The following NPAS3 variants were observed in gnomAD, a reference collection of about 807,000 sequenced individuals.
The protein encoded by NPAS3 is neuronal PAS domain-containing protein 3.
In NPAS3, 14 loss-of-function variants were observed where a neutral mutation model predicts 73.1. That is an observed-to-expected ratio of 0.19 (90% confidence interval 0.13 to 0.30). NPAS3 has a LOEUF of 0.30. Ranked by LOEUF, NPAS3 falls within the 10% of genes least tolerant of loss-of-function variation. The pLI is 1.00. For synonymous variants in NPAS3, 620 were observed against 541.5 expected, an observed-to-expected ratio of 1.14 and a Z score of -2.01; for missense variants, 1,096 against 1,250.0, an observed-to-expected ratio of 0.88 and a Z score of 1.86.
At chr14:33,030,463 A>G (rs2039950260) in intron 1 of NPAS3, among the ~76,000 whole-genome samples, 1 of 152,214 alleles carries the variant, frequency 6.6e-6, no homozygotes, top group Non-Finnish European at 1.5e-5. Context: ...ATCTCATTTT[A>G]TTCCCCAAAG....
At chr14:33,608,737 A>T (rs1595267576) in intron 5 of NPAS3, 1 of 152,242 alleles carries the variant, frequency 6.6e-6, no homozygotes, top group East Asian at 1.9e-4. Context: ...TTATTTCATC[A>T]CCCAGTTATT....
intron 5 of NPAS3, among the ~76,000 whole-genome samples, chr14:33,674,169 G>A (rs1334908428): frequency 1.3e-5 from 2 of 152,088 alleles, no homozygotes; most frequent in Non-Finnish European, 2.9e-5. Context: ...TGGAGAGAGT[G>A]GCCTATTTCT....
rs547917130 is a variant in NPAS3 at position 33,622,941 on chromosome 14, C to T, written c.559-53270C>T. Among the ~76,000 whole-genome samples, 26 of 152,262 alleles carry T rather than the reference C, an allele frequency of 1.7e-4. No homozygotes were observed. The East Asian group carries it at 2.1e-3, about 12-fold the overall frequency. On this transcript the variant is annotated intron_variant, in intron 5 of 11. Transcript: ENST00000356141. ...ACAAAGGAGGGCTTGGAAGTGGGAT[C>T]GTATCCCAGTAAACCTTCAGATTCT...
At chr14:33,092,222 C>T (rs1325952608) in intron 2 of NPAS3, among the ~76,000 whole-genome samples, 1 of 152,132 alleles carries the variant, frequency 6.6e-6, no homozygotes, top group African/African-American at 2.4e-5. Flanking sequence ...TTGGAAAACC[C>T]CATCGTCTCA....
intron 6 of NPAS3, among the ~76,000 whole-genome samples, chr14:33,721,476 T>C (rs1265025194): frequency 6.6e-6 from 1 of 152,160 alleles, no homozygotes; most frequent in East Asian, 1.9e-4. Flanking sequence ...GCATGCGTAA[T>C]TTTAACACCC....
At chr14:33,664,216 A>T (rs552125561) in intron 5 of NPAS3, among the ~76,000 whole-genome samples, 2 of 152,202 alleles carry the variant, frequency 1.3e-5, no homozygotes, top group African/African-American at 4.8e-5. Flanking sequence ...ATAACGCTGC[A>T]TATCTACAAC....
chr14:33,240,192 T>C (rs2048170272), intron 3 of NPAS3, among the ~76,000 whole-genome samples: 1 of 151,866 alleles, frequency 6.6e-6, no homozygotes, highest in Admixed American at 6.6e-5. Flanking sequence ...TTCTAAAATA[T>C]ATTATTCATA....
intron 7 of NPAS3, among the ~76,000 whole-genome samples, chr14:33,756,876 T>C (rs1313341227): frequency 6.6e-6 from 1 of 152,094 alleles, no homozygotes; most frequent in Non-Finnish European, 1.5e-5. Context: ...TAGGTGCTGA[T>C]TGGGTAGCCG....
intron 3 of NPAS3, among the ~76,000 whole-genome samples, chr14:33,234,424 A>G (rs903517924): frequency 2.6e-5 from 4 of 152,246 alleles, no homozygotes; most frequent in East Asian, 1.9e-4. Context: ...GGTTGCCTCT[A>G]TGGTTAGAGA....
At chr14:33,660,466 TTG>T (rs1210588815) in intron 5 of NPAS3, among the ~76,000 whole-genome samples, 1 of 152,242 alleles carries the variant, frequency 6.6e-6, no homozygotes, top group Non-Finnish European at 1.5e-5. Context: ...TGATTTTGTT[TTG>T]TGTTTTTCTA....
At chr14:33,726,909 C>T (rs1209712765) in intron 6 of NPAS3, among the ~76,000 whole-genome samples, 1 of 152,144 alleles carries the variant, frequency 6.6e-6, no homozygotes, top group African/African-American at 2.4e-5. Flanking sequence ...CATGCCTGCA[C>T]GTGGAGAGTG....
chr14:33,178,130 A>G (rs890963816), intron 2 of NPAS3, among the ~76,000 whole-genome samples: 14 of 138,462 alleles, frequency 1.0e-4, no homozygotes, highest in Non-Finnish European at 2.1e-4. Flanking sequence ...GTTGGAGTGC[A>G]GTGGTGCGAT....
chr14:33,759,421 C>T lies in NPAS3; in HGVS notation c.853-14916C>T, dbSNP rs573016500. Among the ~76,000 whole-genome samples, 3 of 152,282 alleles carry T rather than the reference C, an allele frequency of 2.0e-5. No individual in the cohort carries two copies. In the East Asian group the frequency reaches 5.8e-4, roughly 29 times the overall value. ...TCCTGGTCATACACTCAGATGTCTC[C>T]CAGAGATCAGGCAAAATGGGAAGTG... is the stretch of plus-strand genomic sequence containing the variant. On this transcript the variant is annotated intron_variant, in intron 7 of 11. Coordinates refer to ENST00000356141, the Ensembl canonical transcript of NPAS3.
intron 3 of NPAS3, among the ~76,000 whole-genome samples, chr14:33,284,521 G>GC (rs2041781572): frequency 6.6e-6 from 1 of 152,030 alleles, no homozygotes; most frequent in Non-Finnish European, 1.5e-5. Context: ...ATGTATAGAT[G>GC]CTTGATTTGA....
chr14:33,579,744 C>G (rs2139869814), intron 5 of NPAS3, among the ~76,000 whole-genome samples: 1 of 151,648 alleles, frequency 6.6e-6, no homozygotes, highest in Admixed American at 6.6e-5. Flanking sequence ...TTGGGAGTAT[C>G]AAAAATAAAC....
At chr14:33,070,179 A>T (rs188525779) in intron 2 of NPAS3, among the ~76,000 whole-genome samples, 60 of 152,276 alleles carry the variant, frequency 3.9e-4, no homozygotes, top group Admixed American at 2.7e-3. Flanking sequence ...AGGGAATATT[A>T]TTTTTTTGAC....
intron 2 of NPAS3, among the ~76,000 whole-genome samples, chr14:33,071,314 A>C (rs1317696993): frequency 2.0e-5 from 3 of 152,240 alleles, no homozygotes; most frequent in Non-Finnish European, 4.4e-5. Context: ...TAACACTTAC[A>C]TGGTCATAAA....
intron 7 of NPAS3, among the ~76,000 whole-genome samples, chr14:33,746,482 C>T (rs964106714): frequency 6.6e-6 from 1 of 150,656 alleles, no homozygotes; most frequent in Non-Finnish European, 1.5e-5. Context: ...CCACCACACC[C>T]GGCCCTCTAC....
chr14:33,637,998 G>A (rs977700416), intron 5 of NPAS3, among the ~76,000 whole-genome samples: 7 of 152,122 alleles, frequency 4.6e-5, no homozygotes, highest in African/African-American at 1.4e-4. Context: ...TGTGAGTTCC[G>A]GTAGGGTTAG....
Sources: gnomAD v4.1 joint callset for allele counts (sites outside exome capture counted in the v4.1 genomes callset) on GRCh38, gnomAD v4.1.1 for gene constraint, MANE v1.5 for transcripts, NCBI Gene and HGNC (gene_info 2026-07-23, HGNC 2026-07-21) for gene names.